The following CDC14A variants were observed in gnomAD, a reference collection of about 807,000 sequenced individuals.
CDC14A encodes cell division cycle 14A, also known as dual specificity protein phosphatase CDC14A.
Under a neutral mutation model 74.4 loss-of-function variants are expected in CDC14A, and 53 were observed. The ratio of observed to expected loss-of-function variants is 0.71; its 90% CI spans 0.57 to 0.89. The LOEUF (loss-of-function observed/expected upper bound fraction) is 0.89. CDC14A is among the 40% of genes least tolerant of loss of function. The pLI is 0.00. For synonymous variants in CDC14A, 247 were observed against 258.4 expected (o/e 0.96, Z 0.43); for missense variants, 646 against 713.7 (o/e 0.91, Z 1.08).
Position 100,460,076 on chromosome 1 carries a change from AC to A in CDC14A, c.608-2574del, listed in dbSNP as rs1419010057. Reference sequence around the variant, plus strand: ...TCTACCTCTTACTAGCTGTATGTGTACGGGCCAGCTTTTCCAGGCACCAGAA... The same window carrying A: ...TCTACCTCTTACTAGCTGTATGTGTAGGGCCAGCTTTTCCAGGCACCAGAA... On this transcript the variant is annotated intron_variant, in intron 8 of 15. Transcript: ENST00000336454. Among the ~76,000 whole-genome samples the A allele has an allele frequency of 5.9e-5, 9 of 152,316 alleles. No homozygotes were observed. In the South Asian group the frequency reaches 1.9e-3, roughly 32 times the overall value.
chr1:100,390,943 T>G, intron 4 of CDC14A, 119 bp downstream of exon 4: 1 of 741,474 alleles, frequency 1.3e-6, no homozygotes, highest in East Asian at 2.7e-5. Context: ...TATTAGCAGT[T>G]TGGGAATTGA....
At chr1:100,377,459 A>G in intron 2 of CDC14A, 87 bp from the exon 3 acceptor site, 1 of 853,552 alleles carries the variant, frequency 1.2e-6, no homozygotes, top group South Asian at 1.6e-5. Context: ...TTGATTGTAA[A>G]TTTAATGAAA....
intron 8 of CDC14A, among the ~76,000 whole-genome samples, chr1:100,459,120 C>CAGAGAGAGAGAGAGAGAGAG (rs1157099545): frequency 7.7e-4 from 115 of 148,682 alleles, no homozygotes; most frequent in African/African-American, 2.9e-3. Context: ...CACACACACA[C>CAGAGAGAGAGAGAGAGAGAG]ACACACAGAG....
chr1:100,476,685 ATTTTCCAGAAATGGTGT>A (rs1423541123), intron 10 of CDC14A, among the ~76,000 whole-genome samples: 1 of 151,118 alleles, frequency 6.6e-6, no homozygotes, highest in African/African-American at 2.4e-5. Flanking sequence ...CATCTACTTT[ATTTTCCAGAAATGGTGT>A]TATTGCCTTA....
At chr1:100,429,605 G>C (rs2101095079) in intron 5 of CDC14A, among the ~76,000 whole-genome samples, 1 of 151,182 alleles carries the variant, frequency 6.6e-6, no homozygotes. Flanking sequence ...AGAGTTATTG[G>C]GATTTTGAAA....
intron 10 of CDC14A, among the ~76,000 whole-genome samples, chr1:100,474,634 TA>T (rs1668715111): frequency 6.6e-6 from 1 of 151,708 alleles, no homozygotes; most frequent in African/African-American, 2.4e-5. Flanking sequence ...AGTATTCCTT[TA>T]TGTTTGCAGA....
intron 3 of CDC14A, among the ~76,000 whole-genome samples, chr1:100,378,021 T>A (rs1655528111): frequency 1.3e-5 from 2 of 148,892 alleles, no homozygotes; most frequent in Admixed American, 1.3e-4. Flanking sequence ...TGCATAACAT[T>A]TTCTGTTTGG....
At chr1:100,423,330 C>T (rs1662582897) in intron 4 of CDC14A, among the ~76,000 whole-genome samples, 2 of 152,158 alleles carry the variant, frequency 1.3e-5, no homozygotes, top group African/African-American at 2.4e-5. Flanking sequence ...TCCTGTGGTT[C>T]TCCCCATCTA....
At chr1:100,491,039 TC>T (rs1228974141) in intron 11 of CDC14A, among the ~76,000 whole-genome samples, 15 of 152,156 alleles carry the variant, frequency 9.9e-5, no homozygotes. Flanking sequence ...CAATAATAAG[TC>T]TTCATAAACC....
chr1:100,437,287 T>C lies in CDC14A; in HGVS notation c.390-2645T>C, dbSNP rs1249359772. Among the ~76,000 whole-genome samples the C allele has an allele frequency of 2.0e-5, 3 of 152,226 alleles. No individual in the cohort carries two copies. The South Asian group carries it at 6.2e-4, about 32-fold the overall frequency. On this transcript the variant is annotated intron_variant, in intron 5 of 15. Transcript: ENST00000336454. ...CTCCCCCAGAGAATACATAACATGT[T>C]CTTGTGTCCCTTCACTGTTATAGTA...
chr1:100,455,418 G>T lies in CDC14A; in HGVS notation c.533G>T (p.Gly178Val). The T allele has an allele frequency of 6.2e-7, 1 of 1,601,192 alleles. No homozygotes were observed. The highest frequency in any genetic ancestry group is 8.5e-7 in the Non-Finnish European group (1 of 1,175,076). The change falls in exon 8 of 16, where the codon GGT (glycine) becomes GTT (valine). Residue 178 changes from glycine to valine, a missense_variant. By Grantham distance (109) the Gly-to-Val change is moderately radical. Transcript: ENST00000336454. ...AAATTCTGCCAGCGAGTTGAAAATG[G>T]TGACTTCAACTGGATTGTTCCAGGA... ...EYEHYERVEN[G>V]DFNWIVPGKF...
intron 5 of CDC14A, among the ~76,000 whole-genome samples, chr1:100,428,982 C>T (rs1663285166): frequency 6.6e-6 from 1 of 151,970 alleles, no homozygotes; most frequent in Non-Finnish European, 1.5e-5. Context: ...TGGGCGATCA[C>T]TTGAGGTCAG....
upstream of CDC14A, chr1:100,352,416 G>A (rs960648429): frequency 2.2e-5 from 22 of 980,418 alleles, no homozygotes; most frequent in African/African-American, 3.2e-4. Context: ...GGGGCTGAGG[G>A]AGGGCGGGGA....
At chr1:100,389,868 T>A (rs925386576) in intron 3 of CDC14A, among the ~76,000 whole-genome samples, 3 of 152,148 alleles carry the variant, frequency 2.0e-5, no homozygotes, top group Non-Finnish European at 4.4e-5. Flanking sequence ...ATTTAGAAAA[T>A]CAATTGTCAA....
At chr1:100,352,447 CA>C (rs974289516), upstream of CDC14A, 2 of 1,008,206 alleles carry the variant, frequency 2.0e-6, no homozygotes, top group African/African-American at 1.8e-5. Flanking sequence ...GGGGCGGACC[CA>C]GGGGGAGGAG....
upstream of CDC14A, among the ~76,000 whole-genome samples, chr1:100,348,446 A>G (rs1650630113): frequency 6.6e-6 from 1 of 151,392 alleles, no homozygotes; most frequent in South Asian, 2.1e-4. Context: ...TAATTCTTTT[A>G]TGTTTTTCAT....
intron 7 of CDC14A, among the ~76,000 whole-genome samples, chr1:100,454,462 G>A (rs1247898328): frequency 3.3e-5 from 5 of 151,992 alleles, no homozygotes; most frequent in Non-Finnish European, 7.4e-5. Context: ...GCAAAATTTG[G>A]GGTAACCTTA....
chr1:100,444,989 C>G (rs560620487), intron 7 of CDC14A, among the ~76,000 whole-genome samples: 1 of 151,946 alleles, frequency 6.6e-6, no homozygotes, highest in East Asian at 1.9e-4. Context: ...AAGTAAGATT[C>G]CCCTCTAAAA....
intron 4 of CDC14A, among the ~76,000 whole-genome samples, chr1:100,414,278 C>T (rs1406854025): frequency 1.3e-5 from 2 of 149,898 alleles, no homozygotes; most frequent in African/African-American, 2.5e-5. Flanking sequence ...CCAGCGTGGG[C>T]AACATAGTAG....
Sources: allele counts gnomAD v4.1 joint callset (sites outside exome capture counted in the v4.1 genomes callset), GRCh38; gene constraint gnomAD v4.1.1; transcripts MANE v1.5; gene names NCBI Gene and HGNC (gene_info 2026-07-23, HGNC 2026-07-21).